Variants in FLNB observed in about 807,000 individuals in gnomAD.
FLNB encodes filamin B, also known as filamin-B.
Under a neutral mutation model 250.6 loss-of-function variants are expected in FLNB, and 111 were observed. That is an observed-to-expected ratio of 0.44 (90% CI 0.38 to 0.52). The LOEUF (loss-of-function observed/expected upper bound fraction) is 0.52, where lower values mean the gene tolerates loss of function less well. Among genes scored for constraint, FLNB ranks in the 20% least tolerant of loss-of-function variants. The pLI is 0.00. For missense variants in FLNB, 2,869 were observed against 3,447.8 expected, an observed-to-expected ratio of 0.83 and a Z score of 4.20; for synonymous variants, 1,302 against 1,372.1, an observed-to-expected ratio of 0.95 and a Z score of 1.13.
At chr3:58,064,425 G>A (rs1301186223) in intron 1 of FLNB, among the ~76,000 whole-genome samples, 1 of 152,098 alleles carries the variant, frequency 6.6e-6, no homozygotes, top group African/African-American at 2.4e-5. Context: ...GCCTCCTAAA[G>A]TGCTGGCATT....
rs148291921 is a variant in FLNB, at chr3:58,160,383, C to T, written c.7021+697C>T. ...TTAAAGAGACAGTGTTACCGGTGAA[C>T]ATAATAAATTTATTAAGTGTCAGAA... On this transcript the variant is annotated intron_variant, in intron 42 of 45. Transcript: ENST00000295956. Among the ~76,000 whole-genome samples, 210 of 152,264 alleles carry T rather than the reference C, an allele frequency of 1.4e-3. 2 individuals are homozygous for T. The highest frequency in any genetic ancestry group is 4.8e-3 in the African/African-American group (199 of 41,560).
intron 1 of FLNB, among the ~76,000 whole-genome samples, chr3:58,065,457 CCT>C (rs1436931258): frequency 2.6e-5 from 4 of 152,226 alleles, no homozygotes; most frequent in East Asian, 1.9e-4. Flanking sequence ...AGATTCTCCC[CCT>C]GTGTCACTTT....
intron 1 of FLNB, among the ~76,000 whole-genome samples, chr3:58,027,989 GA>G (rs2097125755): frequency 6.6e-6 from 1 of 152,236 alleles, no homozygotes; most frequent in Non-Finnish European, 1.5e-5. Context: ...AAGAGATGGA[GA>G]GGTGTTGAAG....
chr3:58,110,862 C>T (rs573651751), intron 16 of FLNB, among the ~76,000 whole-genome samples: 1 of 152,330 alleles, frequency 6.6e-6, no homozygotes, highest in Admixed American at 6.5e-5. Flanking sequence ...TGAGCCACCA[C>T]ATTTGGCCTC....
rs775547398 is a variant in FLNB, at chr3:58,138,371, A to T, written c.4951A>T (p.Thr1651Ser). Reference sequence around the variant, plus strand: ...TGCCGGGAAGGGTAAAGTGACCTGCACGGTTCTGACCCCAGATGGCACTGA... The same window carrying T: ...TGCCGGGAAGGGTAAAGTGACCTGCTCGGTTCTGACCCCAGATGGCACTGA... Reference protein sequence around the residue: ...KTAGKGKVTCTVLTPDGTEAE... With the variant: ...KTAGKGKVTCSVLTPDGTEAE... The change falls in exon 29 of 46, where the codon ACG becomes TCG. Residue 1651 changes from threonine to serine, a missense_variant. Thr to Ser is a moderately conservative substitution (Grantham distance 58, BLOSUM62 1). Coordinates refer to ENST00000295956, the MANE Select transcript of FLNB (RefSeq NM_001457.4). 6.2e-6 allele frequency: 10 copies of T among 1,614,122 alleles called. No homozygotes were observed. The East Asian group carries it at 2.2e-4, about 36-fold the overall frequency.
intron 1 of FLNB, among the ~76,000 whole-genome samples, chr3:58,044,105 C>T (rs1382395345): frequency 6.6e-6 from 1 of 152,172 alleles, no homozygotes; most frequent in African/African-American, 2.4e-5. Flanking sequence ...GAACCTGATT[C>T]GGCTTGGATT....
rs939835843 is a variant in FLNB, at chr3:58,132,566, C to A, written c.4391-242C>A. The stretch of plus-strand genomic sequence containing the variant: ...CAGTCTCCTTAATTATACTCTAGGG[C>A]AGACTGAGTGTATTTTAGCCAACAA... On this transcript the variant is annotated intron_variant, in intron 25 of 45. Transcript: ENST00000295956. 1.0e-4 allele frequency: 58 copies of A among 579,494 alleles called. No individual in the cohort carries two copies. The African/African-American group carries it at 1.0e-3, about 10-fold the overall frequency. The allele number at this position is 579,494 out of a possible 1,614,324, so 35.9% of individuals were successfully genotyped here.
intron 19 of FLNB, among the ~76,000 whole-genome samples, chr3:58,119,825 A>G (rs1351128114): frequency 6.6e-6 from 1 of 152,200 alleles, no homozygotes; most frequent in African/African-American, 2.4e-5. Flanking sequence ...ATCTATACAT[A>G]TAGATGTGCC....
chr3:58,166,104 C>T (rs1264120856), intron 43 of FLNB: 1 of 152,204 alleles, frequency 6.6e-6, no homozygotes, highest in Non-Finnish European at 1.5e-5. Flanking sequence ...CACTGTGCCT[C>T]TGCTTCCTTT....
Position 58,126,616 on chromosome 3 carries a change from G to T in FLNB, c.4076G>T (p.Gly1359Val). 11 of 1,614,060 alleles carry T rather than the reference G, an allele frequency of 6.8e-6. No homozygotes were observed. Among genetic ancestry groups the T allele is most frequent in the Non-Finnish European group, 9.3e-6 (11 of 1,179,966 alleles). The change falls in exon 24 of 46, where the codon GGT becomes GTT. Residue 1359 changes from glycine to valine, a missense_variant. Around this residue, in one of 5 missense-constraint regions of FLNB, gnomAD observed 1,348 missense variants for 1,466.7 expected, o/e 0.92. Transcript: ENST00000295956. The stretch of plus-strand genomic sequence containing the variant: ...ACTCTTTCCAGAGGCGCAGGAATTG[G>T]TGGGCTTGGCATAACTGTTGAGGGA... ...FTVVTRGAGI[G>V]GLGITVEGPS... is the part of the protein sequence containing the mutation.
At chr3:58,013,413 C>T (rs1336261480) in intron 1 of FLNB, among the ~76,000 whole-genome samples, 1 of 152,230 alleles carries the variant, frequency 6.6e-6, no homozygotes, top group Admixed American at 6.5e-5. Context: ...CTTTTCCTTC[C>T]TCTCCCTTTT....
chr3:58,072,172 A>G (rs1216765189), intron 1 of FLNB, among the ~76,000 whole-genome samples: 1 of 152,212 alleles, frequency 6.6e-6, no homozygotes, highest in African/African-American at 2.4e-5. Flanking sequence ...GTAGTTCGAG[A>G]AAATGTATGT....
rs753985242 is a variant in FLNB, at chr3:58,112,233, C to T, written c.2660C>T (p.Pro887Leu). The T allele has an allele frequency of 1.5e-5, 24 of 1,613,974 alleles. No homozygotes were observed. The African/African-American group carries it at 2.8e-4, about 19-fold the overall frequency. The part of the protein sequence containing the change: ...KAPLNVQFNS[P>L]LPGDAVKDLD... ...CCGCTCAACGTGCAGTTCAACAGCC[C>T]TCTTCCTGGCGATGCAGTGAAGGAT... The change falls in exon 18 of 46, where the codon CCT (proline) becomes CTT (leucine). Residue 887 changes from proline (P) to leucine (L), a missense_variant. Around this residue, in one of 5 missense-constraint regions of FLNB, gnomAD observed 1,348 missense variants for 1,466.7 expected, o/e 0.92. Transcript: ENST00000295956.
chr3:58,159,003 C>G (rs1206177061), intron 41 of FLNB, among the ~76,000 whole-genome samples: 1 of 151,778 alleles, frequency 6.6e-6, no homozygotes, highest in Non-Finnish European at 1.5e-5. Context: ...AGAGGTTTGG[C>G]ACCCTAGATA....
intron 25 of FLNB, chr3:58,132,463 G>A (rs767218928): frequency 2.3e-5 from 10 of 425,818 alleles, no homozygotes; most frequent in African/African-American, 8.1e-5. Context: ...CATCCTAAGC[G>A]TGCCTAACCA....
In FLNB at chr3:58,087,492, C is replaced by T. The variant is rs1286730134; in HGVS notation, c.787+5716C>T. The stretch of plus-strand genomic sequence containing the variant: ...TTTTTGAGACGGAGTCTCACTCTGT[C>T]GCCCAGGCTGGAGTGCAGTGGCATG... On this transcript the variant is annotated intron_variant, in intron 4 of 45. Transcript: ENST00000295956. 4.6e-5 allele frequency among the ~76,000 whole-genome samples: 7 copies of T among 151,780 alleles called. 1 individual carries two copies. The highest frequency in any genetic ancestry group is 3.9e-4 in the Admixed American group (6 of 15,252).
At chr3:58,032,030 G>T in intron 1 of FLNB, among the ~76,000 whole-genome samples, 1 of 152,130 alleles carries the variant, frequency 6.6e-6, no homozygotes, top group Non-Finnish European at 1.5e-5. Flanking sequence ...CCAGGGTCAA[G>T]CCATCCTCCC....
intron 1 of FLNB, among the ~76,000 whole-genome samples, chr3:58,039,442 C>T (rs953248080): frequency 3.3e-5 from 5 of 152,110 alleles, no homozygotes; most frequent in African/African-American, 1.2e-4. Flanking sequence ...CATTTCATTT[C>T]GTGATGGGAA....
intron 1 of FLNB, among the ~76,000 whole-genome samples, chr3:58,070,877 C>T (rs2097193399): frequency 6.6e-6 from 1 of 151,692 alleles, no homozygotes; most frequent in African/African-American, 2.4e-5. Flanking sequence ...GTCTTGAACT[C>T]CTGACCTCGT....
Sources: allele counts gnomAD v4.1 joint callset (sites outside exome capture counted in the v4.1 genomes callset), GRCh38; gene constraint gnomAD v4.1.1; regional missense constraint gnomAD v4.1.1; transcripts MANE v1.5; gene names NCBI Gene and HGNC (gene_info 2026-07-23, HGNC 2026-07-21).